The following ATR variants were observed in gnomAD, a reference collection of about 807,000 sequenced individuals.
ATR encodes serine/threonine-protein kinase ATR.
A neutral mutation model predicts 305.3 loss-of-function variants in ATR; 142 were observed. The observed-to-expected ratio is 0.47, with a 90% CI of 0.41 to 0.53. The LOEUF is 0.53. ATR is among the 20% of genes least tolerant of loss of function. ATR has a pLI of 0.00. For missense variants in ATR, 2,135 were observed against 3,133.1 expected (o/e 0.68, Z 7.60); for synonymous variants, 1,050 against 1,068.1 (o/e 0.98, Z 0.33).
In ATR at chr3:142,549,537, GA is replaced by G; in HGVS notation, c.3112del (p.Ser1038LeufsTer12). On this transcript the variant is annotated frameshift_variant, in exon 15 of 47. Coordinates refer to ENST00000350721, the MANE Select transcript of ATR (RefSeq NM_001184.4). LOFTEE classifies it high-confidence loss of function. ...ILINNFKYIFSHLVCSCSKDE... is the reference protein window; with the variant it reads ...ILINNFKYIFXHLVCSCSKDE... ...TTTGGAACAAGAACAGACCAAATGAGAAAAAATATATTTGAAGTTGTTTATT... is the reference window on the plus strand; with the variant it reads ...TTTGGAACAAGAACAGACCAAATGAGAAAAATATATTTGAAGTTGTTTATT... The G allele has an allele frequency of 6.2e-7, 1 of 1,611,308 alleles. No homozygotes were observed. Among genetic ancestry groups the G allele is most frequent in the African/African-American group, 1.3e-5 (1 of 74,960 alleles).
In ATR at chr3:142,550,267, T is replaced by C; in HGVS notation, c.2841A>G (p.Thr947=). The change falls in exon 14 of 47, where the codon ACA becomes ACG. Residue 947 remains threonine (T), a synonymous_variant. Transcript: ENST00000350721. ...TCTGGCATGGAGTATTCGGAAGTGC[T>C]GTCATCTGACTAGAGTGAAGGGATT... is the stretch of plus-strand genomic sequence containing the variant. ...LVESLHSSQM[T]ALPNTPCQNA... 1 of 1,614,214 alleles carries C rather than the reference T, an allele frequency of 6.2e-7. No homozygotes were observed. The highest frequency in any genetic ancestry group is 8.5e-7 in the Non-Finnish European group (1 of 1,180,018).
At chr3:142,450,322 C>T in intron 46 of ATR, 1 of 1,085,980 alleles carries the variant, frequency 9.2e-7, no homozygotes, top group Non-Finnish European at 1.4e-6. Context: ...AGCACTTGAG[C>T]CATGTGCGTG....
rs78293827 is a variant in ATR, at chr3:142,565,876, C to T, written c.292+245G>A. ...ATTACCAAAAACAGAAAAAAGAAAACCATGCCAAAGTGTTCAATGGCAAAT... is the reference window on the plus strand; with the variant it reads ...ATTACCAAAAACAGAAAAAAGAAAATCATGCCAAAGTGTTCAATGGCAAAT... On this transcript the variant is annotated intron_variant, in intron 3 of 46. Transcript: ENST00000350721. 6.1e-4 allele frequency among the ~76,000 whole-genome samples: 92 copies of T among 151,516 alleles called. 2 individuals carry two copies. In the East Asian group the frequency reaches 0.015, roughly 25 times the overall value.
Position 142,559,430 on chromosome 3 carries a change from T to C in ATR, c.1553A>G (p.Lys518Arg), listed in dbSNP as rs2108480540. 1 of 1,613,590 alleles carries C rather than the reference T, an allele frequency of 6.2e-7. No individual in the cohort carries two copies. The highest frequency in any genetic ancestry group is 8.5e-7 in the Non-Finnish European group (1 of 1,179,708). Residue 518 changes from lysine to arginine, a missense_variant, in exon 7 of 47, where the codon AAG becomes AGG. By Grantham distance (26) the Lys-to-Arg change is conservative (BLOSUM62 2). Coordinates refer to ENST00000350721, the MANE Select transcript of ATR (RefSeq NM_001184.4). The stretch of plus-strand genomic sequence containing the variant: ...CTTCTTGGATTTATGTTGACAGTCC[T>C]TGAAAGTACGGCTGCAGTAAGTACA... ...SHQNMNCRTF[K>R]DCQHKSKKKP...
rs545367848 is a variant in ATR, at chr3:142,574,231, G to A, written c.59+4415C>T. On this transcript the variant is annotated intron_variant, in intron 1 of 46. Transcript: ENST00000350721. ...TGTAATCCCAGCACTTTGGGAGGCT[G>A]AGGTGGGCGGATCACTTGAGCCCAG... is the stretch of plus-strand genomic sequence containing the variant. 9.1e-4 allele frequency among the ~76,000 whole-genome samples: 138 copies of A among 152,272 alleles called. 1 individual carries two copies. The highest frequency in any genetic ancestry group is 1.5e-3 in the Non-Finnish European group (102 of 68,020).
At chr3:142,471,277 A>C (rs1479899598) in intron 36 of ATR, among the ~76,000 whole-genome samples, 1 of 152,206 alleles carries the variant, frequency 6.6e-6, no homozygotes, top group Non-Finnish European at 1.5e-5. Flanking sequence ...ACCATATGTC[A>C]GAATTTCCTT....
chr3:142,553,767 A>G (rs745366489), intron 11 of ATR, 27 bp from the exon 12 acceptor site: 1 of 1,609,798 alleles, frequency 6.2e-7, no homozygotes, highest in Middle Eastern at 1.7e-4. Context: ...AACTGGTTAA[A>G]GAAATTTTTA....
At chr3:142,555,617 T>G (rs1013539307) in intron 10 of ATR, among the ~76,000 whole-genome samples, 2 of 152,174 alleles carry the variant, frequency 1.3e-5, no homozygotes, top group Non-Finnish European at 2.9e-5. Flanking sequence ...CTTACAATAT[T>G]GAAACAACCA....
intron 25 of ATR, among the ~76,000 whole-genome samples, chr3:142,514,634 G>GAA (rs777062209): frequency 1.6e-5 from 2 of 124,606 alleles, no homozygotes. Flanking sequence ...ACTCTGTCTC[G>GAA]AAAAAAAAAA....
intron 46 of ATR, chr3:142,451,489 A>G: frequency 1.4e-6 from 2 of 1,475,430 alleles, no homozygotes; most frequent in South Asian, 1.1e-5. Context: ...ATCTTACAAA[A>G]GAACACAGAC....
rs750595280 is a variant in ATR at position 142,547,728 on chromosome 3, C to T, written c.3354G>A (p.Leu1118=). The change falls in exon 16 of 47, where the codon CTG becomes CTA. Residue 1118 remains leucine (L), a synonymous_variant. Transcript: ENST00000350721. ...QGPRDIISPE[L]MADYLQPKLL... is the part of the protein sequence containing the mutation. Reference sequence around the variant, plus strand: ...CCTCATAGAACATATTCCTTACCATCAGTTCAGGTGATATGATATCTCTCG... The same window carrying T: ...CCTCATAGAACATATTCCTTACCATTAGTTCAGGTGATATGATATCTCTCG... 6.2e-7 allele frequency: 1 copy of T among 1,613,186 alleles called. No individual in the cohort carries two copies. The highest frequency in any genetic ancestry group is 8.5e-7 in the Non-Finnish European group (1 of 1,179,310).
At chr3:142,467,323 C>T (rs1428022585) in intron 39 of ATR, among the ~76,000 whole-genome samples, 1 of 152,038 alleles carries the variant, frequency 6.6e-6, no homozygotes, top group African/African-American at 2.4e-5. Flanking sequence ...AACCATGTTC[C>T]TACTTTAGTC....
intron 5 of ATR, 44 bp from the exon 6 acceptor site, chr3:142,560,498 A>C (rs752586440): frequency 2.0e-6 from 3 of 1,534,350 alleles, no homozygotes; most frequent in Non-Finnish European, 2.7e-6. Context: ...ATGCAATATA[A>C]ATTTGGTTAA....
At chr3:142,503,778 C>T (rs2108352327) in intron 29 of ATR, among the ~76,000 whole-genome samples, 1 of 152,206 alleles carries the variant, frequency 6.6e-6, no homozygotes, top group Non-Finnish European at 1.5e-5. Context: ...CATCAATGTC[C>T]TAACACATTT....
At chr3:142,451,376 T>A (rs1286164663) in intron 46 of ATR, 2 of 1,406,356 alleles carry the variant, frequency 1.4e-6, no homozygotes, top group Non-Finnish European at 1.9e-6. Context: ...TTTACATACA[T>A]AACATGGGTA....
At chr3:142,493,435 G>T in intron 34 of ATR, 124 bp from the exon 35 acceptor site, 2 of 1,110,484 alleles carry the variant, frequency 1.8e-6, no homozygotes, top group Non-Finnish European at 2.5e-6. Context: ...TCTTTTACTT[G>T]CCTCTTATTA....
chr3:142,495,544 A>G (rs2031534923), intron 34 of ATR, among the ~76,000 whole-genome samples: 1 of 152,068 alleles, frequency 6.6e-6, no homozygotes, highest in African/African-American at 2.4e-5. Context: ...GGAGATCGAG[A>G]CCACCCTGGC....
At chr3:142,485,532 T>C (rs2030859886) in intron 35 of ATR, among the ~76,000 whole-genome samples, 1 of 152,178 alleles carries the variant, frequency 6.6e-6, no homozygotes, top group Non-Finnish European at 1.5e-5. Context: ...AATTCGCAAC[T>C]TAGGAGAAAA....
rs562679570 is a variant in ATR at position 142,451,760 on chromosome 3, A to C, written c.7761+1368T>G. Reference sequence around the variant, plus strand: ...GAGCCCAGCTAATTAAAAAAAAACAAAAACTATTTGTAGAGACCAGGGCTG... The same window carrying C: ...GAGCCCAGCTAATTAAAAAAAAACACAAACTATTTGTAGAGACCAGGGCTG... On this transcript the variant is annotated intron_variant, in intron 46 of 46. Transcript: ENST00000350721. 11 of 1,171,480 alleles carry C rather than the reference A, an allele frequency of 9.4e-6. No homozygotes were observed. The South Asian group carries it at 1.4e-4, about 15-fold the overall frequency. The allele number at this position is 1,171,480 out of a possible 1,614,324, so 72.6% of individuals were successfully genotyped here.
Sources: allele counts gnomAD v4.1 joint callset (sites outside exome capture counted in the v4.1 genomes callset), GRCh38; gene constraint gnomAD v4.1.1; transcripts MANE v1.5; gene names NCBI Gene and HGNC (gene_info 2026-07-23, HGNC 2026-07-21).